ASB7: variants seen among roughly 807,000 people sequenced by gnomAD.
The protein encoded by ASB7 is ankyrin repeat and SOCS box protein 7.
ASB7 carries 4 observed loss-of-function variants against 32.5 expected under a neutral mutation model. The ratio of observed to expected loss-of-function variants is 0.12; its 90% confidence interval spans 0.06 to 0.28. The LOEUF (loss-of-function observed/expected upper bound fraction) is 0.28. Among genes scored for constraint, ASB7 ranks in the 10% least tolerant of loss-of-function variants. ASB7 has a pLI of 1.00. For synonymous variants in ASB7, 172 were observed against 155.6 expected, an observed-to-expected ratio of 1.11 and a Z score of -0.78; for missense variants, 181 against 407.1, an observed-to-expected ratio of 0.44 and a Z score of 4.78.
intron 5 of ASB7, among the ~76,000 whole-genome samples, chr15:100,641,796 A>G (rs774270991): frequency 3.3e-5 from 5 of 152,234 alleles, no homozygotes; most frequent in East Asian, 1.9e-4. Flanking sequence ...TTAAAAATGT[A>G]TTTACCTGGT....
intron 4 of ASB7, among the ~76,000 whole-genome samples, chr15:100,625,217 T>C (rs2039827847): frequency 6.6e-6 from 1 of 152,202 alleles, no homozygotes; most frequent in Non-Finnish European, 1.5e-5. Context: ...AGCATCCTAC[T>C]GTATGTTCTA....
intron 5 of ASB7, among the ~76,000 whole-genome samples, chr15:100,634,513 AAG>A (rs2039908049): frequency 6.6e-6 from 1 of 152,172 alleles, no homozygotes; most frequent in Non-Finnish European, 1.5e-5. Context: ...TTGAAAAGAA[AAG>A]AGATAGGGCC....
chr15:100,630,099 A>G, intron 5 of ASB7, 57 bp downstream of exon 5: 2 of 1,457,010 alleles, frequency 1.4e-6, no homozygotes, highest in Non-Finnish European at 1.8e-6. Context: ...TCTTCTGAGG[A>G]GCTTAATGTG....
chr15:100,619,342 G>A (rs1464208504), intron 4 of ASB7, among the ~76,000 whole-genome samples: 2 of 152,226 alleles, frequency 1.3e-5, no homozygotes, highest in Non-Finnish European at 2.9e-5. Flanking sequence ...CATTGGTGAG[G>A]TGTCAAAACC....
chr15:100,626,103 A>G (rs1261349552), intron 4 of ASB7, among the ~76,000 whole-genome samples: 3 of 152,248 alleles, frequency 2.0e-5, no homozygotes, highest in Non-Finnish European at 4.4e-5. Context: ...GATTTTTAAA[A>G]TAGGATACAA....
chr15:100,614,626 G>A (rs2141390415), intron 4 of ASB7, among the ~76,000 whole-genome samples: 1 of 152,100 alleles, frequency 6.6e-6, no homozygotes, highest in African/African-American at 2.4e-5. Context: ...AACCAGTGAG[G>A]GGCTTAGAGG....
chr15:100,622,760 T>G (rs985858811), intron 4 of ASB7, among the ~76,000 whole-genome samples: 1 of 152,200 alleles, frequency 6.6e-6, no homozygotes, highest in African/African-American at 2.4e-5. Context: ...ACCAGACCCC[T>G]GTCTCTCACC....
chr15:100,620,947 G>C (rs1012650976), intron 4 of ASB7, among the ~76,000 whole-genome samples: 2 of 152,082 alleles, frequency 1.3e-5, no homozygotes, highest in Admixed American at 6.5e-5. Flanking sequence ...CGATAAAGTA[G>C]GTAAAATCCT....
chr15:100,602,841 C>T lies in ASB7; in HGVS notation c.-478C>T, dbSNP rs972045793. Reference sequence around the variant, plus strand: ...AGGACTTCCTCCCTGCCTCCCTGCACCTCTGCCCCAAGGCTGCCCGGCGGC... The same window carrying T: ...AGGACTTCCTCCCTGCCTCCCTGCATCTCTGCCCCAAGGCTGCCCGGCGGC... On this transcript the variant is annotated 5_prime_UTR_variant, in exon 1 of 6. Transcript: ENST00000332783. 1 of 394,110 alleles carries T rather than the reference C, an allele frequency of 2.5e-6. No individual in the cohort carries two copies. Among genetic ancestry groups the T allele is most frequent in the Non-Finnish European group, 4.5e-6 (1 of 223,894 alleles). The allele number at this position is 394,110 out of a possible 1,614,324, so 24.4% of individuals were successfully genotyped here.
chr15:100,609,613 G>C (rs1441393663), intron 2 of ASB7, 94 bp from the exon 3 acceptor site: 2 of 152,198 alleles, frequency 1.3e-5, no homozygotes, highest in Admixed American at 1.3e-4. Context: ...GTAAAGCACT[G>C]AAGTTTACAT....
At chr15:100,624,227 A>G (rs571374922) in intron 4 of ASB7, among the ~76,000 whole-genome samples, 8 of 152,298 alleles carry the variant, frequency 5.3e-5, no homozygotes, top group African/African-American at 1.7e-4. Context: ...AGAAGTTCTG[A>G]CGTTCAATAG....
chr15:100,649,460 T>A lies in ASB7; in HGVS notation c.*998T>A, dbSNP rs2040017101. 1 of 152,170 alleles carries A rather than the reference T, an allele frequency of 6.6e-6. No individual in the cohort carries two copies. Among genetic ancestry groups the A allele is most frequent in the Non-Finnish European group, 1.5e-5 (1 of 68,030 alleles). The allele number at this position is 152,170 out of a possible 1,614,324, so 9.4% of individuals were successfully genotyped here. A position where few individuals can be genotyped will look rare whatever the true frequency, so the allele number is the denominator to read the frequency against. ...GAGTCTTCCCTTAAAAATTGTTAAA[T>A]CATTTGGCTTTAATGGTTCAATAAT... On this transcript the variant is annotated 3_prime_UTR_variant, in exon 6 of 6. Coordinates refer to ENST00000332783, the MANE Select transcript of ASB7 (RefSeq NM_198243.3).
Position 100,619,007 on chromosome 15 carries a change from G to A in ASB7, c.211+6580G>A, listed in dbSNP as rs948029006. On this transcript the variant is annotated intron_variant, in intron 4 of 5. Coordinates refer to ENST00000332783, the MANE Select transcript of ASB7 (RefSeq NM_198243.3). The stretch of plus-strand genomic sequence containing the variant: ...AAGCAGTGGAGCTGGGATTCAAACC[G>A]TTTCTTACCTGTAATTCTGTATTGC... Among the ~76,000 whole-genome samples, 27 of 152,114 alleles carry A rather than the reference G, an allele frequency of 1.8e-4. 1 individual carries two copies. Among genetic ancestry groups the A allele is most frequent in the African/African-American group, 5.3e-4 (22 of 41,408 alleles).
intron 4 of ASB7, among the ~76,000 whole-genome samples, chr15:100,616,610 CAT>C (rs1345946510): frequency 6.6e-6 from 1 of 152,168 alleles, no homozygotes; most frequent in East Asian, 1.9e-4. Flanking sequence ...ATAAGGTTTT[CAT>C]ATATGTGTGG....
chr15:100,603,751 C>T lies in ASB7; in HGVS notation c.-174+438C>T, dbSNP rs192105858. Among the ~76,000 whole-genome samples, 643 of 152,282 alleles carry T rather than the reference C, an allele frequency of 4.2e-3. 6 individuals carry two copies. Among genetic ancestry groups the T allele is most frequent in the African/African-American group, 0.015 (608 of 41,546 alleles). On this transcript the variant is annotated intron_variant, in intron 2 of 5. Transcript: ENST00000332783. ...ACTCTTTCCTATCACCTTTCTTCTACCTGCATCAGAAAAATCTTTTGAGTT... is the reference window on the plus strand; with the variant it reads ...ACTCTTTCCTATCACCTTTCTTCTATCTGCATCAGAAAAATCTTTTGAGTT...
At position 100,649,216 on chromosome 15, in the gene ASB7, T is replaced by C. The variant is rs375342353; in HGVS notation, c.*754T>C. 1.3e-5 allele frequency: 2 copies of C among 152,538 alleles called. No individual in the cohort carries two copies. Among genetic ancestry groups the C allele is most frequent in the South Asian group, 2.1e-4 (1 of 4,828 alleles). 9.4% of individuals were successfully genotyped at this position (152,538 alleles called of 1,614,324 possible). On this transcript the variant is annotated 3_prime_UTR_variant, in exon 6 of 6. Transcript: ENST00000332783. ...AACTTTGTGAAGCCAGTGTATTCTGTTTTTAAAACTGTGCCTGCAGTGCAA... is the reference window on the plus strand; with the variant it reads ...AACTTTGTGAAGCCAGTGTATTCTGCTTTTAAAACTGTGCCTGCAGTGCAA...
intron 5 of ASB7, among the ~76,000 whole-genome samples, chr15:100,630,984 A>G (rs1358826340): frequency 6.6e-6 from 1 of 152,216 alleles, no homozygotes; most frequent in South Asian, 2.1e-4. Flanking sequence ...CTAGAGGGCA[A>G]GGGCTCTACC....
At position 100,638,543 on chromosome 15, in the gene ASB7, A is replaced by G. The variant is rs367989122; in HGVS notation, c.817+8501A>G. ...ATCAGTTTGGAAGATAGGACCTTGG[A>G]TCCTAGGTCCAGGTTTCAGAGGTTC... is the stretch of plus-strand genomic sequence containing the variant. On this transcript the variant is annotated intron_variant, in intron 5 of 5. Coordinates refer to ENST00000332783, the MANE Select transcript of ASB7 (RefSeq NM_198243.3). 3 of 152,292 alleles carry G rather than the reference A, an allele frequency of 2.0e-5. No individual in the cohort carries two copies. The East Asian group carries it at 5.8e-4, about 29-fold the overall frequency. 9.4% of individuals were successfully genotyped at this position (152,292 alleles called of 1,614,324 possible). A position where few individuals can be genotyped will look rare whatever the true frequency, so the allele number is the denominator to read the frequency against.
intron 5 of ASB7, among the ~76,000 whole-genome samples, chr15:100,633,652 A>G (rs2039901059): frequency 6.8e-6 from 1 of 147,188 alleles, no homozygotes; most frequent in Non-Finnish European, 1.5e-5. Context: ...GGAAGAAGGA[A>G]GGAGGAAGGA....
Sources: gnomAD v4.1 joint callset for allele counts (sites outside exome capture counted in the v4.1 genomes callset) on GRCh38, gnomAD v4.1.1 for gene constraint, MANE v1.5 for transcripts, NCBI Gene and HGNC (gene_info 2026-07-23, HGNC 2026-07-21) for gene names.